Variants in NCKAP5 observed in about 807,000 individuals in gnomAD.
NCKAP5 encodes nck-associated protein 5.
Under a neutral mutation model 167.0 loss-of-function variants are expected in NCKAP5, and 92 were observed. That is an observed-to-expected ratio of 0.55 (90% CI 0.47 to 0.66). The LOEUF (loss-of-function observed/expected upper bound fraction) is 0.66. Ranked by LOEUF, NCKAP5 falls within the 30% of genes least tolerant of loss-of-function variation. The pLI, the probability that NCKAP5 is intolerant of heterozygous loss-of-function variation, is 0.00. For missense variants in NCKAP5, 2,378 were observed against 2,315.0 expected, an observed-to-expected ratio of 1.03 and a Z score of -0.56; for synonymous variants, 891 against 877.4, an observed-to-expected ratio of 1.02 and a Z score of -0.27.
At chr2:132,903,638 T>C (rs1693789826) in intron 8 of NCKAP5, among the ~76,000 whole-genome samples, 1 of 152,230 alleles carries the variant, frequency 6.6e-6, no homozygotes, top group South Asian at 2.1e-4. Context: ...ATTATTTTCA[T>C]GTCACAGGGG....
the NCKAP5 span, among the ~76,000 whole-genome samples, chr2:133,575,702 A>G: frequency 1.3e-5 from 2 of 152,186 alleles, no homozygotes; most frequent in Non-Finnish European, 2.9e-5. Flanking sequence ...GTCCCTGGGT[A>G]ACGTCCTACA....
intron 5 of NCKAP5, among the ~76,000 whole-genome samples, chr2:133,158,006 T>C (rs59288803): frequency 0.026 from 3,973 of 152,314 alleles, 159 homozygotes; most frequent in African/African-American, 0.089. Context: ...ATACAATGCA[T>C]GTTGTATCAT....
chr2:132,820,129 G>A (rs1277042167), intron 11 of NCKAP5, among the ~76,000 whole-genome samples: 3 of 152,136 alleles, frequency 2.0e-5, no homozygotes, highest in Non-Finnish European at 2.9e-5. Context: ...GAGGATGAAA[G>A]CTTTATATTT....
chr2:133,252,331 G>A (rs921984409), intron 4 of NCKAP5, among the ~76,000 whole-genome samples: 12 of 152,182 alleles, frequency 7.9e-5, no homozygotes, highest in Admixed American at 7.2e-4. Context: ...GCTCATGTTC[G>A]TTTGGATGTA....
At chr2:133,111,143 C>A (rs1251238173) in intron 6 of NCKAP5, among the ~76,000 whole-genome samples, 1 of 152,136 alleles carries the variant, frequency 6.6e-6, no homozygotes, top group Non-Finnish European at 1.5e-5. Flanking sequence ...TGGAGGTACA[C>A]AATTCCATCC....
At chr2:132,685,895 C>T (rs1337636523) in intron 19 of NCKAP5, among the ~76,000 whole-genome samples, 4 of 152,130 alleles carry the variant, frequency 2.6e-5, no homozygotes, top group Admixed American at 2.0e-4. Flanking sequence ...GCTGAAGACA[C>T]AGATCTTAAC....
chr2:132,875,721 G>C (rs1368091258), intron 9 of NCKAP5, among the ~76,000 whole-genome samples: 2 of 152,228 alleles, frequency 1.3e-5, no homozygotes, highest in African/African-American at 4.8e-5. Context: ...CAAACAGCTA[G>C]ACTAAGAAAC....
intron 5 of NCKAP5, among the ~76,000 whole-genome samples, chr2:133,201,472 G>T (rs116418949): frequency 4.3e-4 from 65 of 152,234 alleles, no homozygotes; most frequent in African/African-American, 1.5e-3. Context: ...AGTACACACT[G>T]TAAACATTTA....
chr2:132,714,977 G>A (rs941358024), intron 19 of NCKAP5: 12 of 431,432 alleles, frequency 2.8e-5, no homozygotes, highest in Non-Finnish European at 4.6e-5. Flanking sequence ...AATTCGCTGA[G>A]TAATACTTGA....
intron 4 of NCKAP5, among the ~76,000 whole-genome samples, chr2:133,252,185 A>T (rs2088376288): frequency 6.6e-6 from 1 of 152,194 alleles, no homozygotes. Context: ...TAAACAAACA[A>T]GAGAACAGAA....
At chr2:132,689,792 T>G (rs1329999581) in intron 19 of NCKAP5, among the ~76,000 whole-genome samples, 2 of 152,188 alleles carry the variant, frequency 1.3e-5, no homozygotes, top group Non-Finnish European at 2.9e-5. Flanking sequence ...TGTGTGTATT[T>G]ATACATGGGA....
chr2:133,054,303 C>G (rs764924030), intron 6 of NCKAP5, among the ~76,000 whole-genome samples: 11 of 152,100 alleles, frequency 7.2e-5, no homozygotes, highest in Non-Finnish European at 1.0e-4. Flanking sequence ...GGGAGAGAAC[C>G]TGTACAGAAA....
At chr2:133,426,085 C>A (rs985991811) in intron 3 of NCKAP5, among the ~76,000 whole-genome samples, 1 of 152,128 alleles carries the variant, frequency 6.6e-6, no homozygotes, top group African/African-American at 2.4e-5. Flanking sequence ...GCCTGGCCAA[C>A]ATGGTGAAAC....
chr2:133,462,963 C>T (rs1692296302), intron 3 of NCKAP5, among the ~76,000 whole-genome samples: 1 of 152,230 alleles, frequency 6.6e-6, no homozygotes, highest in Admixed American at 6.5e-5. Flanking sequence ...CTGCTGACTT[C>T]ACCGAATATC....
At chr2:133,311,941 T>C (rs1681262802) in intron 3 of NCKAP5, among the ~76,000 whole-genome samples, 1 of 152,226 alleles carries the variant, frequency 6.6e-6, no homozygotes, top group African/African-American at 2.4e-5. Flanking sequence ...TTCCAAACTA[T>C]TGATAATTTC....
chr2:133,543,486 T>A (rs1181790218), intron 2 of NCKAP5, among the ~76,000 whole-genome samples: 2 of 152,240 alleles, frequency 1.3e-5, no homozygotes, highest in African/African-American at 2.4e-5. Flanking sequence ...AGTAACCAGA[T>A]AAAATTGTCT....
chr2:132,890,081 CA>C (rs1486688358), intron 8 of NCKAP5, among the ~76,000 whole-genome samples: 1 of 152,180 alleles, frequency 6.6e-6, no homozygotes, highest in Non-Finnish European at 1.5e-5. Flanking sequence ...GAAACTCCTT[CA>C]ATTCAGGAAA....
chr2:133,182,608 G>A (rs2084785108), intron 5 of NCKAP5, among the ~76,000 whole-genome samples: 1 of 152,084 alleles, frequency 6.6e-6, no homozygotes, highest in Non-Finnish European at 1.5e-5. Flanking sequence ...CAGAATTTGT[G>A]GGATACAACT....
chr2:132,934,133 G>C (rs1696658273), intron 8 of NCKAP5, among the ~76,000 whole-genome samples: 1 of 152,122 alleles, frequency 6.6e-6, no homozygotes, highest in African/African-American at 2.4e-5. Context: ...ATAAGTTGTT[G>C]GTGTATGGCC....
Sources: gnomAD v4.1 joint callset for allele counts (sites outside exome capture counted in the v4.1 genomes callset) on GRCh38, gnomAD v4.1.1 for gene constraint, MANE v1.5 for transcripts, NCBI Gene and HGNC (gene_info 2026-07-23, HGNC 2026-07-21) for gene names.